The following LEPR variants were observed in gnomAD, a reference collection of about 807,000 sequenced individuals.
The protein encoded by LEPR is leptin receptor.
In LEPR, 56 loss-of-function variants were observed where a neutral mutation model predicts 114.7. That is an observed-to-expected ratio of 0.49 (90% CI 0.39 to 0.61). The LOEUF is 0.61. LEPR is among the 20% of genes least tolerant of loss of function. The pLI is 0.00. For missense variants in LEPR, 1,202 were observed against 1,352.9 expected, an observed-to-expected ratio of 0.89 and a Z score of 1.75; for synonymous variants, 443 against 461.4, an observed-to-expected ratio of 0.96 and a Z score of 0.51.
intron 8 of LEPR, among the ~76,000 whole-genome samples, chr1:65,599,758 A>G (rs551875676): frequency 1.3e-5 from 2 of 152,266 alleles, no homozygotes; most frequent in Admixed American, 1.3e-4. Context: ...AACATTGGTC[A>G]TGTGAAGAAA....
chr1:65,581,443 G>A (rs1300213268), intron 5 of LEPR, among the ~76,000 whole-genome samples: 2 of 139,414 alleles, frequency 1.4e-5, no homozygotes, highest in East Asian at 7.4e-4. Context: ...TTTAATGGTT[G>A]AAAGGCTTTT....
At chr1:65,589,500 G>A (rs1452919535) in intron 5 of LEPR, among the ~76,000 whole-genome samples, 1 of 151,890 alleles carries the variant, frequency 6.6e-6, no homozygotes, top group Non-Finnish European at 1.5e-5. Context: ...TTAACACAAG[G>A]TCACAAAATT....
At chr1:65,453,393 T>G (rs1646817194) in intron 2 of LEPR, among the ~76,000 whole-genome samples, 1 of 152,194 alleles carries the variant, frequency 6.6e-6, no homozygotes, top group Admixed American at 6.5e-5. Flanking sequence ...TTTGGATCTT[T>G]CCTGCTTTCT....
chr1:65,430,142 C>T, intron 2 of LEPR: 5 of 1,122,116 alleles, frequency 4.5e-6, no homozygotes, highest in Non-Finnish European at 6.1e-6. Flanking sequence ...ATTACTTAGG[C>T]TTTATACTCA....
rs372019263 is a variant in LEPR, at chr1:65,636,607, G to A, written c.3090G>A (p.Glu1030=). The change falls in exon 20 of 20, where the codon GAG becomes GAA. Residue 1030 remains glutamate (E), a synonymous_variant. Coordinates refer to ENST00000349533, the MANE Select transcript of LEPR (RefSeq NM_002303.6). The part of the protein sequence containing the change: ...LKDSFSNSSW[E]IEAQAFFILS... ...ATTCTTTCTCTAATAGCTCATGGGA[G>A]ATAGAGGCCCAGGCATTTTTTATAT... 2.5e-5 allele frequency: 41 copies of A among 1,613,708 alleles called. No homozygotes were observed. Among genetic ancestry groups the A allele is most frequent in the Non-Finnish European group, 3.1e-5 (36 of 1,179,918 alleles).
rs752472210 is a variant in LEPR, at chr1:65,518,917, C to CTTTCTTTCTTTCTTTCTTTCTT, written c.-20-46628_-20-46627insTTCTTTCTTTCTTTCTTTCTTT. On this transcript the variant is annotated intron_variant, in intron 2 of 19. Coordinates refer to ENST00000349533, the MANE Select transcript of LEPR (RefSeq NM_002303.6). ...TCTTTCTTTCTTTCTTTCTTTCTTT[C>CTTTCTTTCTTTCTTTCTTTCTT]TCTCTTTCTCTGTTTCTTTCTTTCT... is the stretch of plus-strand genomic sequence containing the variant. Among the ~76,000 whole-genome samples the CTTTCTTTCTTTCTTTCTTTCTT allele has an allele frequency of 6.6e-5, 5 of 75,756 alleles. No individual in the cohort carries two copies. The East Asian group carries it at 8.9e-4, about 13-fold the overall frequency. 49.7% of individuals were successfully genotyped at this position (75,756 alleles called of 152,430 possible). A position where few individuals can be genotyped will look rare whatever the true frequency, so the allele number is the denominator to read the frequency against.
intron 2 of LEPR, chr1:65,493,888 C>A: frequency 6.6e-6 from 1 of 152,116 alleles, no homozygotes; most frequent in East Asian, 1.9e-4. Flanking sequence ...TGTCAACAGA[C>A]CTGGATTCTG....
intron 2 of LEPR, among the ~76,000 whole-genome samples, chr1:65,538,601 T>G (rs1650946372): frequency 6.6e-6 from 1 of 152,184 alleles, no homozygotes; most frequent in South Asian, 2.1e-4. Context: ...TGTAAAATTC[T>G]AAACTGAAAA....
chr1:65,554,084 G>T (rs1363347736), intron 2 of LEPR, among the ~76,000 whole-genome samples: 2 of 152,156 alleles, frequency 1.3e-5, no homozygotes, highest in Non-Finnish European at 2.9e-5. Flanking sequence ...TGGCAGCTTC[G>T]TCCCAGAGGG....
At chr1:65,494,725 C>T (rs1648063705) in intron 2 of LEPR, among the ~76,000 whole-genome samples, 1 of 152,096 alleles carries the variant, frequency 6.6e-6, no homozygotes, top group African/African-American at 2.4e-5. Context: ...GGGTCTCCTG[C>T]CATATCACTG....
chr1:65,565,488 TTA>T, intron 2 of LEPR, 56 bp from the exon 3 acceptor site: 1 of 1,547,234 alleles, frequency 6.5e-7, no homozygotes, highest in Non-Finnish European at 8.9e-7. Flanking sequence ...CACAGACAAC[TTA>T]TATATATGTG....
At chr1:65,432,692 G>A in intron 2 of LEPR, 3 of 946,412 alleles carry the variant, frequency 3.2e-6, no homozygotes, top group Non-Finnish European at 3.8e-6. Context: ...CAGTCAAAGG[G>A]TACAAAGCCT....
At chr1:65,587,602 G>A (rs1655397065) in intron 5 of LEPR, among the ~76,000 whole-genome samples, 1 of 151,944 alleles carries the variant, frequency 6.6e-6, no homozygotes. Context: ...ATGATCCTAT[G>A]GCTAATAAGC....
intron 11 of LEPR, among the ~76,000 whole-genome samples, chr1:65,606,150 G>A (rs982104067): frequency 1.3e-5 from 2 of 152,088 alleles, no homozygotes; most frequent in South Asian, 2.1e-4. Flanking sequence ...AAAAATACAC[G>A]ATAAGATTGT....
chr1:65,591,624 G>A (rs1655703080), intron 5 of LEPR, among the ~76,000 whole-genome samples: 1 of 151,960 alleles, frequency 6.6e-6, no homozygotes, highest in Non-Finnish European at 1.5e-5. Context: ...TACTTTCTCT[G>A]ATGTTAATAT....
chr1:65,505,104 A>G (rs11208656), intron 2 of LEPR, among the ~76,000 whole-genome samples: 31,195 of 151,988 alleles, frequency 0.21, 3,586 homozygotes, highest in Middle Eastern at 0.33. Flanking sequence ...TTCATACAAA[A>G]TGTCCTGAGC....
In LEPR at chr1:65,630,279, A is replaced by C. The variant is rs142740539; in HGVS notation, c.2674-5912A>C. On this transcript the variant is annotated intron_variant, in intron 19 of 19. Coordinates refer to ENST00000349533, the MANE Select transcript of LEPR (RefSeq NM_002303.6). ...GTACCCAGGGACACAAACACTGCGGAAGGCCACAGGGTCCTCTGCATAGGA... is the reference window on the plus strand; with the variant it reads ...GTACCCAGGGACACAAACACTGCGGCAGGCCACAGGGTCCTCTGCATAGGA... The C allele has an allele frequency of 7.7e-3, 2,510 of 327,590 alleles. 16 individuals carry two copies. The highest frequency in any genetic ancestry group is 0.012 in the Admixed American group (323 of 25,922). 20.3% of individuals were successfully genotyped at this position (327,590 alleles called of 1,614,324 possible).
intron 2 of LEPR, among the ~76,000 whole-genome samples, chr1:65,461,783 A>G (rs750277906): frequency 4.6e-5 from 7 of 152,118 alleles, no homozygotes; most frequent in Non-Finnish European, 1.0e-4. Context: ...GACAAACCCC[A>G]CCTCAGCCAG....
intron 19 of LEPR, among the ~76,000 whole-genome samples, chr1:65,624,636 G>T (rs1484237423): frequency 6.6e-6 from 1 of 152,128 alleles, no homozygotes; most frequent in Non-Finnish European, 1.5e-5. Flanking sequence ...TGAAAGATAC[G>T]CAAAGCAGCT....
Sources: allele counts gnomAD v4.1 joint callset (sites outside exome capture counted in the v4.1 genomes callset), GRCh38; gene constraint gnomAD v4.1.1; transcripts MANE v1.5; gene names NCBI Gene and HGNC (gene_info 2026-07-23, HGNC 2026-07-21).